The following CSMD1 variants were observed in gnomAD, a reference collection of about 807,000 sequenced individuals.
CSMD1 encodes CUB and Sushi multiple domains 1.
CSMD1 carries 213 observed loss-of-function variants against 417.5 expected under a neutral mutation model. The observed-to-expected ratio is 0.51, with a 90% CI of 0.46 to 0.57. The LOEUF is 0.57. Among genes scored for constraint, CSMD1 ranks in the 20% least tolerant of loss-of-function variants. The probability of loss-of-function intolerance (pLI) is 0.00; values close to 1 mark genes in which losing one functional copy is unlikely to be tolerated. For synonymous variants in CSMD1, 2,862 were observed against 1,736.8 expected (o/e 1.65, Z -16.11); for missense variants, 6,923 against 4,529.7 (o/e 1.53, Z -15.17).
chr8:4,384,548 C>G (rs1179986982), intron 3 of CSMD1, among the ~76,000 whole-genome samples: 1 of 152,178 alleles, frequency 6.6e-6, no homozygotes, highest in African/African-American at 2.4e-5. Flanking sequence ...TGAAGTCCTA[C>G]CCCTGTATCA....
chr8:3,523,744 C>T (rs550979488), intron 10 of CSMD1, among the ~76,000 whole-genome samples: 3 of 151,514 alleles, frequency 2.0e-5, no homozygotes, highest in East Asian at 2.0e-4. Flanking sequence ...GAGACACATG[C>T]ATACACATGC....
At chr8:3,950,486 G>T (rs374484956) in intron 5 of CSMD1, among the ~76,000 whole-genome samples, 7 of 152,248 alleles carry the variant, frequency 4.6e-5, no homozygotes, top group East Asian at 3.9e-4. Context: ...AACATAACAC[G>T]CCCCTTTACT....
At chr8:3,480,774 C>CA (rs1214183413) in intron 11 of CSMD1, among the ~76,000 whole-genome samples, 2 of 152,074 alleles carry the variant, frequency 1.3e-5, no homozygotes, top group African/African-American at 2.4e-5. Flanking sequence ...AACTGACAAC[C>CA]ACAAATTCTA....
intron 3 of CSMD1, among the ~76,000 whole-genome samples, chr8:4,170,783 T>C (rs183405722): frequency 4.6e-5 from 7 of 151,932 alleles, no homozygotes; most frequent in Admixed American, 6.5e-5. Context: ...GAATTTCAAA[T>C]GGTTCTGTTT....
intron 1 of CSMD1, among the ~76,000 whole-genome samples, chr8:4,782,212 C>A (rs1400918883): frequency 6.6e-6 from 1 of 152,180 alleles, no homozygotes; most frequent in African/African-American, 2.4e-5. Context: ...AGTGACTCTG[C>A]TTAATAATGT....
intron 7 of CSMD1, among the ~76,000 whole-genome samples, chr8:3,693,768 G>A (rs927586478): frequency 6.6e-6 from 1 of 151,892 alleles, no homozygotes; most frequent in Non-Finnish European, 1.5e-5. Flanking sequence ...TGTGTTTTGT[G>A]TGTATTGAAT....
At chr8:4,234,214 C>G (rs1208130133) in intron 3 of CSMD1, among the ~76,000 whole-genome samples, 1 of 152,138 alleles carries the variant, frequency 6.6e-6, no homozygotes, top group Middle Eastern at 3.2e-3. Context: ...GAAAAGACAT[C>G]TGTAAGCGAA....
chr8:3,454,950 A>G (rs1263868517), intron 12 of CSMD1, among the ~76,000 whole-genome samples: 2 of 152,204 alleles, frequency 1.3e-5, no homozygotes, highest in Admixed American at 1.3e-4. Context: ...CAGGTACACC[A>G]ATCAGATGTA....
At chr8:3,512,619 T>TA (rs1305526568) in intron 10 of CSMD1, among the ~76,000 whole-genome samples, 4 of 141,500 alleles carry the variant, frequency 2.8e-5, no homozygotes, top group Non-Finnish European at 4.5e-5. Flanking sequence ...TTTTTTTTTT[T>TA]AAGACAGAGT....
intron 7 of CSMD1, among the ~76,000 whole-genome samples, chr8:3,652,806 G>C (rs953795212): frequency 5.9e-5 from 9 of 152,142 alleles, no homozygotes; most frequent in African/African-American, 1.9e-4. Flanking sequence ...GGAATATAAA[G>C]TCCTGGGGGC....
At chr8:3,835,498 CAT>C (rs1404922991) in intron 5 of CSMD1, among the ~76,000 whole-genome samples, 7 of 151,848 alleles carry the variant, frequency 4.6e-5, no homozygotes, top group Non-Finnish European at 1.5e-5. Flanking sequence ...TGTTCTCACT[CAT>C]AGCTGGGAAT....
chr8:3,089,165 G>C (rs1248078230), intron 48 of CSMD1, among the ~76,000 whole-genome samples: 4 of 152,190 alleles, frequency 2.6e-5, no homozygotes, highest in Non-Finnish European at 5.9e-5. Flanking sequence ...GAATTCAGAG[G>C]AGCAGGGCCT....
chr8:4,833,424 TG>T (rs1800267199), intron 1 of CSMD1, among the ~76,000 whole-genome samples: 1 of 152,180 alleles, frequency 6.6e-6, no homozygotes, highest in African/African-American at 2.4e-5. Flanking sequence ...GAGGAAAATC[TG>T]CCCCCATGAT....
At chr8:3,779,141 G>A (rs1242860773) in intron 5 of CSMD1, among the ~76,000 whole-genome samples, 4 of 137,474 alleles carry the variant, frequency 2.9e-5, no homozygotes, top group Non-Finnish European at 6.2e-5. Flanking sequence ...TTCACTATGC[G>A]TGCATACTTG....
At chr8:4,817,894 G>C (rs1415969726) in intron 1 of CSMD1, among the ~76,000 whole-genome samples, 6 of 152,152 alleles carry the variant, frequency 3.9e-5, no homozygotes, top group Non-Finnish European at 7.3e-5. Flanking sequence ...AAGAACATTA[G>C]AACAATCAGC....
intron 1 of CSMD1, among the ~76,000 whole-genome samples, chr8:4,766,751 G>A (rs550597623): frequency 1.3e-4 from 20 of 152,270 alleles, no homozygotes; most frequent in East Asian, 5.8e-4. Flanking sequence ...GTTTCTTCAC[G>A]CCTGATTTAT....
At chr8:3,438,536 C>T (rs1483994670) in intron 12 of CSMD1, among the ~76,000 whole-genome samples, 1 of 152,268 alleles carries the variant, frequency 6.6e-6, no homozygotes, top group Non-Finnish European at 1.5e-5. Context: ...TTGGTCAGCA[C>T]CACTCTCTGG....
intron 63 of CSMD1, 125 bp downstream of exon 63, chr8:2,957,571 C>T (rs1003497226): frequency 3.0e-6 from 2 of 667,992 alleles, no homozygotes; most frequent in African/African-American, 1.8e-5. Context: ...ACTTTGAGGA[C>T]ATCCGAAAAT....
intron 3 of CSMD1, among the ~76,000 whole-genome samples, chr8:4,157,667 G>C (rs1489530953): frequency 3.9e-5 from 6 of 152,234 alleles, no homozygotes; most frequent in Admixed American, 3.3e-4. Context: ...GGCATGGGGT[G>C]AGGGCATCCC....
Sources: allele counts gnomAD v4.1 joint callset (sites outside exome capture counted in the v4.1 genomes callset), GRCh38; gene constraint gnomAD v4.1.1; transcripts MANE v1.5; gene names NCBI Gene and HGNC (gene_info 2026-07-23, HGNC 2026-07-21).